Variants in BIRC2 observed in about 807,000 individuals in gnomAD.
The protein encoded by BIRC2 is baculoviral IAP repeat-containing protein 2.
In BIRC2, 18 loss-of-function variants were observed where a neutral mutation model predicts 60.9. The ratio of observed to expected loss-of-function variants is 0.30; its 90% CI spans 0.20 to 0.44. The LOEUF (loss-of-function observed/expected upper bound fraction) is 0.44. Among genes scored for constraint, BIRC2 ranks in the 20% least tolerant of loss-of-function variants. BIRC2 has a pLI of 1.00. For synonymous variants in BIRC2, 282 were observed against 247.7 expected (o/e 1.14, Z -1.30); for missense variants, 701 against 728.5 (o/e 0.96, Z 0.43).
intron 6 of BIRC2, among the ~76,000 whole-genome samples, chr11:102,374,264 C>T (rs200373114): frequency 0.013 from 1,881 of 142,836 alleles, 26 homozygotes; most frequent in Non-Finnish European, 0.017. Context: ...GAGTTTCCAG[C>T]TTTTCTGTTC....
At chr11:102,364,139 T>TTATATGTA (rs1555048340) in intron 5 of BIRC2, among the ~76,000 whole-genome samples, 3 of 61,418 alleles carry the variant, frequency 4.9e-5, no homozygotes, top group Non-Finnish European at 8.5e-5. Context: ...CTAATAAATA[T>TTATATGTA]TATATATATA....
chr11:102,375,269 G>A (rs967350402), intron 6 of BIRC2, among the ~76,000 whole-genome samples: 1 of 152,232 alleles, frequency 6.6e-6, no homozygotes, highest in Non-Finnish European at 1.5e-5. Flanking sequence ...CTGTCAAGGA[G>A]TATATACACT....
At position 102,378,334 on chromosome 11, in the gene BIRC2, G is replaced by T; in HGVS notation, c.*151G>T. The T allele has an allele frequency of 1.7e-6, 1 of 590,750 alleles. No homozygotes were observed. Among genetic ancestry groups the T allele is most frequent in the Non-Finnish European group, 2.8e-6 (1 of 360,974 alleles). The allele number at this position is 590,750 out of a possible 1,614,324, so 36.6% of individuals were successfully genotyped here. On this transcript the variant is annotated 3_prime_UTR_variant, in exon 9 of 9. Coordinates refer to ENST00000227758, the MANE Select transcript of BIRC2 (RefSeq NM_001166.5). Reference sequence around the variant, plus strand: ...CTTTGGTACTAATAATCTTGTTTCTGAAAAGATGGTATCATATATTTAATC... The same window carrying T: ...CTTTGGTACTAATAATCTTGTTTCTTAAAAGATGGTATCATATATTTAATC...
At chr11:102,374,130 A>G (rs1443877587) in intron 6 of BIRC2, among the ~76,000 whole-genome samples, 1 of 149,616 alleles carries the variant, frequency 6.7e-6, no homozygotes, top group Non-Finnish European at 1.5e-5. Context: ...CCTGTAGCTC[A>G]GAGTAATTTG....
At chr11:102,373,282 G>C (rs1402393697) in intron 6 of BIRC2, among the ~76,000 whole-genome samples, 3 of 152,064 alleles carry the variant, frequency 2.0e-5, no homozygotes, top group African/African-American at 2.4e-5. Context: ...TTACATTTTG[G>C]CATGATTTTG....
chr11:102,369,961 T>G (rs1951608522), intron 6 of BIRC2, among the ~76,000 whole-genome samples: 1 of 152,126 alleles, frequency 6.6e-6, no homozygotes, highest in African/African-American at 2.4e-5. Flanking sequence ...CATAAATGTC[T>G]TCTTTTGAGA....
rs1056656664 is a variant in BIRC2, at chr11:102,349,393, T to C, written c.-462T>C. 1.3e-5 allele frequency: 2 copies of C among 152,948 alleles called. No individual in the cohort carries two copies. Among genetic ancestry groups the C allele is most frequent in the African/African-American group, 4.8e-5 (2 of 41,482 alleles). 9.5% of individuals were successfully genotyped at this position (152,948 alleles called of 1,614,324 possible). ...GTGCTTATAGGGAAAGAAGCCTGCA[T>C]ATAATTTTTTACCTTGTGGCATAAT... On this transcript the variant is annotated 5_prime_UTR_variant, in exon 2 of 9. Transcript: ENST00000227758.
At chr11:102,377,218 TGGG>T (rs997158924) in intron 6 of BIRC2, among the ~76,000 whole-genome samples, 1 of 152,090 alleles carries the variant, frequency 6.6e-6, no homozygotes, top group African/African-American at 2.4e-5. Flanking sequence ...TTATATATGG[TGGG>T]GGGAAATTTT....
chr11:102,352,442 ACT>A (rs1276567442), intron 3 of BIRC2, among the ~76,000 whole-genome samples: 1 of 148,530 alleles, frequency 6.7e-6, no homozygotes, highest in Non-Finnish European at 1.5e-5. Flanking sequence ...GTGGAGTCTC[ACT>A]CTGTCATCCA....
intron 6 of BIRC2, among the ~76,000 whole-genome samples, chr11:102,369,713 A>G (rs1429624880): frequency 6.7e-6 from 1 of 148,358 alleles, no homozygotes; most frequent in Non-Finnish European, 1.5e-5. Context: ...TGGTATTTCT[A>G]GTTCTAGATC....
chr11:102,348,057 G>T (rs1422480411), intron 1 of BIRC2, among the ~76,000 whole-genome samples: 3 of 152,222 alleles, frequency 2.0e-5, no homozygotes, highest in Non-Finnish European at 4.4e-5. Flanking sequence ...TTTTGTTTTC[G>T]AGTTGCTTTC....
intron 6 of BIRC2, among the ~76,000 whole-genome samples, chr11:102,374,697 C>A (rs988446211): frequency 6.6e-6 from 1 of 152,164 alleles, no homozygotes; most frequent in African/African-American, 2.4e-5. Flanking sequence ...GGGCTCCACC[C>A]AGTTCGAGTT....
chr11:102,350,471 G>T lies in BIRC2; in HGVS notation c.617G>T (p.Arg206Ile). The change falls in exon 2 of 9, where the codon AGA becomes ATA. Residue 206 changes from arginine (R) to isoleucine (I), a missense_variant. Transcript: ENST00000227758. ...TTTTTGTCACCATCAGAATTGGCAA[G>T]AGCTGGTTTTTATTATATAGGACCT... ...LTFLSPSELA[R>I]AGFYYIGPGD... The T allele has an allele frequency of 6.2e-7, 1 of 1,614,200 alleles. No individual in the cohort carries two copies. Among genetic ancestry groups the T allele is most frequent in the South Asian group, 1.1e-5 (1 of 91,082 alleles).
intron 3 of BIRC2, among the ~76,000 whole-genome samples, chr11:102,356,048 GAGTTTGACTTCT>G: frequency 6.6e-6 from 1 of 152,206 alleles, no homozygotes; most frequent in East Asian, 1.9e-4. Context: ...TGCAAACAGA[GAGTTTGACTTCT>G]TCCAGTCTGA....
chr11:102,357,457 AT>A (rs534401516), intron 3 of BIRC2, among the ~76,000 whole-genome samples: 47 of 151,852 alleles, frequency 3.1e-4, no homozygotes, highest in African/African-American at 1.1e-3. Context: ...ATGACTACTG[AT>A]TCAATCTCCT....
intron 3 of BIRC2, among the ~76,000 whole-genome samples, chr11:102,353,142 G>A (rs1163114322): frequency 6.6e-6 from 1 of 152,128 alleles, no homozygotes; most frequent in African/African-American, 2.4e-5. Flanking sequence ...TTTAATCCAT[G>A]TTGTGGTATC....
In BIRC2 at chr11:102,365,942, CT is replaced by C. The variant is rs1395848155; in HGVS notation, c.1123+2228del. Among the ~76,000 whole-genome samples the C allele has an allele frequency of 2.6e-5, 4 of 152,208 alleles. No homozygotes were observed. The East Asian group carries it at 5.8e-4, about 22-fold the overall frequency. On this transcript the variant is annotated intron_variant, in intron 5 of 8. Coordinates refer to ENST00000227758, the MANE Select transcript of BIRC2 (RefSeq NM_001166.5). ...TGCTTGACTTATCAGACCCCATACT[CT>C]TGGTTTTCTATTTCCCTGGTTGGTC...
chr11:102,348,742 A>G lies in BIRC2; in HGVS notation c.-1113A>G. On this transcript the variant is annotated 5_prime_UTR_variant, in exon 2 of 9. Coordinates refer to ENST00000227758, the MANE Select transcript of BIRC2 (RefSeq NM_001166.5). ...TGTGTATGAATTATATTTTTAAAAC[A>G]TTGAAGAGTTTTCAGAAAGAAGGCT... 2.5e-6 allele frequency: 1 copy of G among 397,848 alleles called. No individual in the cohort carries two copies. The highest frequency in any genetic ancestry group is 4.9e-6 in the Non-Finnish European group (1 of 203,522). The allele number at this position is 397,848 out of a possible 1,614,324, so 24.6% of individuals were successfully genotyped here.
rs1254121892 is a variant in BIRC2, at chr11:102,364,198, G to C, written c.1123+482G>C. ...ATACACACACACACAGAGAGAGAGA[G>C]AGAGAGAGAGAGAGAGAGTGTAATG... On this transcript the variant is annotated intron_variant, in intron 5 of 8. Coordinates refer to ENST00000227758, the MANE Select transcript of BIRC2 (RefSeq NM_001166.5). Among the ~76,000 whole-genome samples the C allele has an allele frequency of 1.5e-3, 203 of 134,536 alleles. 1 individual carries two copies. The highest frequency in any genetic ancestry group is 2.5e-3 in the Non-Finnish European group (161 of 64,394). 88.3% of individuals were successfully genotyped at this position (134,536 alleles called of 152,430 possible).
Sources: allele counts gnomAD v4.1 joint callset (sites outside exome capture counted in the v4.1 genomes callset), GRCh38; gene constraint gnomAD v4.1.1; transcripts MANE v1.5; gene names NCBI Gene and HGNC (gene_info 2026-07-23, HGNC 2026-07-21).